The following RASGRP1 variants were observed in gnomAD, a reference collection of about 807,000 sequenced individuals.
The protein encoded by RASGRP1 is RAS guanyl releasing protein 1.
Under a neutral mutation model 95.1 loss-of-function variants are expected in RASGRP1, and 37 were observed. The ratio of observed to expected loss-of-function variants is 0.39; its 90% CI spans 0.30 to 0.51. The LOEUF is 0.51. Among genes scored for constraint, RASGRP1 ranks in the 20% least tolerant of loss-of-function variants. The probability of loss-of-function intolerance (pLI) is 0.80; values close to 1 mark genes in which losing one functional copy is unlikely to be tolerated. For synonymous variants in RASGRP1, 325 were observed against 353.4 expected, an observed-to-expected ratio of 0.92 and a Z score of 0.90; for missense variants, 711 against 965.4, an observed-to-expected ratio of 0.74 and a Z score of 3.49.
At chr15:38,545,014 T>C (rs1893055804) in intron 2 of RASGRP1, among the ~76,000 whole-genome samples, 1 of 152,238 alleles carries the variant, frequency 6.6e-6, no homozygotes, top group Non-Finnish European at 1.5e-5. Context: ...GATGTTTAAT[T>C]TTTTTATGGG....
At position 38,516,433 on chromosome 15, in the gene RASGRP1, CAAG is replaced by C; in HGVS notation, c.522-86_522-84del. On this transcript the variant is annotated intron_variant, in intron 5 of 16. Coordinates refer to ENST00000310803, the MANE Select transcript of RASGRP1 (RefSeq NM_005739.4). Reference sequence around the variant, plus strand: ...CAAGTAAATCCATTAACATTTCTCACAAGAATATACAAAACACCATTAGCTAAC... The same window carrying C: ...CAAGTAAATCCATTAACATTTCTCACAATATACAAAACACCATTAGCTAAC... 2.7e-6 allele frequency: 4 copies of C among 1,465,006 alleles called. No individual in the cohort carries two copies. In the East Asian group the frequency reaches 6.8e-5, roughly 25 times the overall value. 90.8% of individuals were successfully genotyped at this position (1,465,006 alleles called of 1,614,324 possible). A position where few individuals can be genotyped will look rare whatever the true frequency, so the allele number is the denominator to read the frequency against.
intron 1 of RASGRP1, among the ~76,000 whole-genome samples, chr15:38,563,987 CTCTT>C (rs1893918407): frequency 6.6e-6 from 1 of 152,238 alleles, no homozygotes; most frequent in African/African-American, 2.4e-5. Flanking sequence ...CTCACTGTCC[CTCTT>C]TCTTCAACTT....
Position 38,490,581 on chromosome 15 carries a change from A to C in RASGRP1, c.2367T>G (p.Ala789=). Residue 789 remains alanine (A), a synonymous_variant, in exon 17 of 17, where the codon GCT becomes GCG. Transcript: ENST00000310803. ...LQLEKSNHVL[A]QMEQGDCS is the part of the protein sequence containing the mutation. ...AAGAACAGTCACCCTGCTCCATTTG[A>C]GCTAAGACATGATTGCTTTTTTCAA... The C allele has an allele frequency of 6.2e-7, 1 of 1,612,762 alleles. No individual in the cohort carries two copies. Among genetic ancestry groups the C allele is most frequent in the East Asian group, 2.2e-5 (1 of 44,826 alleles).
intron 9 of RASGRP1, among the ~76,000 whole-genome samples, chr15:38,506,534 C>G (rs553987920): frequency 6.7e-6 from 1 of 149,096 alleles, no homozygotes; most frequent in Non-Finnish European, 1.5e-5. Flanking sequence ...ACTCAGGAGG[C>G]TGAGGTGGGA....
chr15:38,533,913 C>A (rs1245227238), intron 2 of RASGRP1, among the ~76,000 whole-genome samples: 1 of 152,220 alleles, frequency 6.6e-6, no homozygotes, highest in Non-Finnish European at 1.5e-5. Flanking sequence ...AAGCTACCAA[C>A]ATGAAGTCAC....
intron 3 of RASGRP1, among the ~76,000 whole-genome samples, chr15:38,519,839 G>GA (rs5812042): frequency 0.33 from 50,848 of 151,998 alleles, 9,293 homozygotes; most frequent in East Asian, 0.69. Context: ...ATTCGAAGAG[G>GA]AAAAAATACA....
chr15:38,514,782 G>C (rs1281774666), intron 6 of RASGRP1, among the ~76,000 whole-genome samples: 2 of 152,192 alleles, frequency 1.3e-5, no homozygotes, highest in Admixed American at 6.5e-5. Context: ...CCACTGATGT[G>C]AGCATTGGCA....
chr15:38,512,687 G>GA (rs1944245104), intron 7 of RASGRP1, 96 bp downstream of exon 7: 18 of 1,477,928 alleles, frequency 1.2e-5, no homozygotes, highest in East Asian at 2.3e-5. Context: ...GTTCAGGAGG[G>GA]AAAAAACAGC....
At chr15:38,502,500 G>T in intron 11 of RASGRP1, 79 bp from the exon 12 acceptor site, 1 of 872,270 alleles carries the variant, frequency 1.1e-6, no homozygotes, top group East Asian at 2.6e-5. Flanking sequence ...CAAAGAGCTG[G>T]GGCAGTTGGA....
Position 38,489,826 on chromosome 15 carries a change from T to A in RASGRP1, c.*728A>T, listed in dbSNP as rs1890500895. The A allele has an allele frequency of 6.6e-6, 1 of 152,016 alleles. No individual in the cohort carries two copies. Among genetic ancestry groups the A allele is most frequent in the South Asian group, 2.1e-4 (1 of 4,826 alleles). The allele number at this position is 152,016 out of a possible 1,614,324, so 9.4% of individuals were successfully genotyped here. On this transcript the variant is annotated 3_prime_UTR_variant, in exon 17 of 17. Transcript: ENST00000310803. ...TGTTTATTTTAATTAGACAGTAATA[T>A]GAGATGGTAATAGCTATGTTTCCAG...
intron 15 of RASGRP1, 49 bp downstream of exon 15, chr15:38,498,745 T>C: frequency 6.3e-7 from 1 of 1,588,766 alleles, no homozygotes; most frequent in Non-Finnish European, 8.6e-7. Flanking sequence ...CTAAAACTTT[T>C]CCCTTCCTAC....
chr15:38,507,949 T>C lies in RASGRP1; in HGVS notation c.1019A>G (p.Tyr340Cys). Reference sequence around the variant, plus strand: ...GGTGCACTCTCCATAGGCTCGCCGGTAATTGTCGTAGTTTCTGGAGGAGGA... The same window carrying C: ...GGTGCACTCTCCATAGGCTCGCCGGCAATTGTCGTAGTTTCTGGAGGAGGA... ...LLSSSRNYDN[Y>C]RRAYGECTDF... The change falls in exon 9 of 17, where the codon TAC becomes TGC. Residue 340 changes from tyrosine (Y) to cysteine (C), a missense_variant. By Grantham distance (194) the Tyr-to-Cys change is radical (BLOSUM62 -2). Around this residue, in one of 3 missense-constraint regions of RASGRP1, gnomAD observed 491 missense variants for 676.6 expected, o/e 0.73. Coordinates refer to ENST00000310803, the MANE Select transcript of RASGRP1 (RefSeq NM_005739.4). The C allele has an allele frequency of 6.2e-7, 1 of 1,610,164 alleles. No individual in the cohort carries two copies. Among genetic ancestry groups the C allele is most frequent in the Non-Finnish European group, 8.5e-7 (1 of 1,178,632 alleles).
intron 2 of RASGRP1, among the ~76,000 whole-genome samples, chr15:38,555,881 G>A (rs1206110296): frequency 2.0e-5 from 3 of 152,116 alleles, no homozygotes; most frequent in African/African-American, 7.2e-5. Context: ...GTGTTGGGGG[G>A]GCCCGTTCTG....
Position 38,505,867 on chromosome 15 carries a change from G to A in RASGRP1, c.1296C>T (p.Ala432=), listed in dbSNP as rs777441111. The part of the protein sequence containing the change: ...TEDEIYELSY[A]REPRNHRAPP... ...GAGCTCTGTGGTTCCTTGGTTCCCG[G>A]GCATAGGAAAGCTCATAGATTTCAT... Residue 432 remains alanine, a synonymous_variant, in exon 10 of 17, where the codon GCC becomes GCT. Coordinates refer to ENST00000310803, the MANE Select transcript of RASGRP1 (RefSeq NM_005739.4). 1.1e-5 allele frequency: 17 copies of A among 1,611,804 alleles called. No individual in the cohort carries two copies. The highest frequency in any genetic ancestry group is 1.6e-4 in the Middle Eastern group (1 of 6,078).
chr15:38,559,160 C>T (rs550436545), intron 2 of RASGRP1, among the ~76,000 whole-genome samples: 79 of 152,318 alleles, frequency 5.2e-4, no homozygotes, highest in African/African-American at 1.8e-3. Flanking sequence ...AAATACACCA[C>T]GCTTATAACA....
chr15:38,535,321 T>G (rs1042936456), intron 2 of RASGRP1, among the ~76,000 whole-genome samples: 55 of 152,256 alleles, frequency 3.6e-4, no homozygotes, highest in African/African-American at 1.3e-3. Flanking sequence ...CCATGTTACA[T>G]GGCTAAACCT....
At chr15:38,535,465 AC>A (rs1432035726) in intron 2 of RASGRP1, among the ~76,000 whole-genome samples, 1 of 152,026 alleles carries the variant, frequency 6.6e-6, no homozygotes, top group Admixed American at 6.6e-5. Flanking sequence ...TAAACCCACC[AC>A]TTTTCATGAC....
intron 15 of RASGRP1, among the ~76,000 whole-genome samples, chr15:38,497,766 A>G (rs971360936): frequency 1.3e-5 from 2 of 152,204 alleles, no homozygotes; most frequent in Non-Finnish European, 2.9e-5. Flanking sequence ...AAACATACTC[A>G]AAGTCATTTC....
chr15:38,523,077 A>G (rs1423067450), intron 3 of RASGRP1, among the ~76,000 whole-genome samples: 1 of 152,140 alleles, frequency 6.6e-6, no homozygotes, highest in African/African-American at 2.4e-5. Flanking sequence ...CCCTAGGATC[A>G]GGTGACAGAC....
Sources: allele counts gnomAD v4.1 joint callset (sites outside exome capture counted in the v4.1 genomes callset), GRCh38; gene constraint gnomAD v4.1.1; regional missense constraint gnomAD v4.1.1; transcripts MANE v1.5; gene names NCBI Gene and HGNC (gene_info 2026-07-23, HGNC 2026-07-21).